The following ATP8B4 variants were observed in gnomAD, a reference collection of about 807,000 sequenced individuals.
ATP8B4 encodes ATPase phospholipid transporting 8B4 (putative).
A neutral mutation model predicts 145.6 loss-of-function variants in ATP8B4; 133 were observed. The ratio of observed to expected loss-of-function variants is 0.91; its 90% CI spans 0.79 to 1.05. The LOEUF (loss-of-function observed/expected upper bound fraction) is 1.05. ATP8B4 is among the 50% of genes least tolerant of loss of function. The pLI, the probability that ATP8B4 is intolerant of heterozygous loss-of-function variation, is 0.00. For missense variants in ATP8B4, 1,458 were observed against 1,425.2 expected (o/e 1.02, Z -0.37); for synonymous variants, 507 against 492.9 (o/e 1.03, Z -0.38).
At chr15:50,084,138 C>G (rs1409580248) in intron 2 of ATP8B4, among the ~76,000 whole-genome samples, 1 of 152,122 alleles carries the variant, frequency 6.6e-6, no homozygotes, top group Non-Finnish European at 1.5e-5. Flanking sequence ...GACTACACCA[C>G]CGTGATGTAA....
intron 12 of ATP8B4, among the ~76,000 whole-genome samples, chr15:49,978,425 T>A (rs1257516419): frequency 6.6e-6 from 1 of 152,154 alleles, no homozygotes; most frequent in Non-Finnish European, 1.5e-5. Flanking sequence ...CTACTTCAAG[T>A]GAATTTCCCA....
intron 7 of ATP8B4, among the ~76,000 whole-genome samples, chr15:50,004,502 G>A (rs181567601): frequency 6.2e-4 from 95 of 152,228 alleles, no homozygotes; most frequent in African/African-American, 2.1e-3. Context: ...TAAATCCTAC[G>A]GGGACCCAAT....
At position 49,981,729 on chromosome 15, in the gene ATP8B4, A is replaced by G. The variant is rs74012854; in HGVS notation, c.749-435T>C. 6.4e-3 allele frequency among the ~76,000 whole-genome samples: 970 copies of G among 152,282 alleles called. 9 individuals carry two copies. Among genetic ancestry groups the G allele is most frequent in the African/African-American group, 0.022 (932 of 41,576 alleles). On this transcript the variant is annotated intron_variant, in intron 10 of 27. Coordinates refer to ENST00000284509, the MANE Select transcript of ATP8B4 (RefSeq NM_024837.4). ...AATCAAATTCTAGATCTGTTTCCCA[A>G]AAAGATTTGAGGTCCCTTTGAAGGA...
chr15:49,976,125 GT>G (rs943192987), intron 12 of ATP8B4, among the ~76,000 whole-genome samples: 2 of 152,072 alleles, frequency 1.3e-5, no homozygotes, highest in African/African-American at 4.8e-5. Context: ...GATGGTAGCA[GT>G]TTTTTTCTCC....
chr15:49,949,234 A>G (rs2042849145), intron 14 of ATP8B4, among the ~76,000 whole-genome samples: 1 of 152,190 alleles, frequency 6.6e-6, no homozygotes, highest in African/African-American at 2.4e-5. Flanking sequence ...TGGGAATAGC[A>G]TTGAATCTAT....
chr15:49,890,993 T>C (rs58485844), intron 23 of ATP8B4, among the ~76,000 whole-genome samples: 1 of 152,202 alleles, frequency 6.6e-6, no homozygotes. Context: ...ATGAAGTTTT[T>C]GAAAGGTATT....
In ATP8B4 at chr15:49,859,668, G is replaced by A. The variant is rs2031274514; in HGVS notation, c.*526C>T. 1 of 153,064 alleles carries A rather than the reference G, an allele frequency of 6.5e-6. No homozygotes were observed. The highest frequency in any genetic ancestry group is 1.5e-5 in the Non-Finnish European group (1 of 68,708). 9.5% of individuals were successfully genotyped at this position (153,064 alleles called of 1,614,324 possible). A position where few individuals can be genotyped will look rare whatever the true frequency, so the allele number is the denominator to read the frequency against. On this transcript the variant is annotated 3_prime_UTR_variant, in exon 28 of 28. Coordinates refer to ENST00000284509, the MANE Select transcript of ATP8B4 (RefSeq NM_024837.4). ...TTTGTTGTCCTGGCTGAACAGACAGGTAGATATCAAGACTAAAGAGTGACA... is the reference window on the plus strand; with the variant it reads ...TTTGTTGTCCTGGCTGAACAGACAGATAGATATCAAGACTAAAGAGTGACA...
chr15:49,964,209 G>A (rs763341124), intron 13 of ATP8B4, among the ~76,000 whole-genome samples: 10 of 152,076 alleles, frequency 6.6e-5, no homozygotes, highest in Non-Finnish European at 1.3e-4. Context: ...TGTGTGGGAG[G>A]AGTCCCTGAG....
chr15:49,901,758 T>G (rs1485804759), intron 20 of ATP8B4: 1 of 405,440 alleles, frequency 2.5e-6, no homozygotes, highest in Non-Finnish European at 4.8e-6. Flanking sequence ...TAAAAAAAAT[T>G]TAACAAGAAG....
chr15:50,079,909 GA>G (rs1345633468), intron 2 of ATP8B4, among the ~76,000 whole-genome samples: 2 of 152,236 alleles, frequency 1.3e-5, no homozygotes, highest in East Asian at 3.9e-4. Context: ...TACAAGACCC[GA>G]AAGAAGATCA....
chr15:50,177,651 C>G (rs1255610687), intron 1 of ATP8B4, among the ~76,000 whole-genome samples: 1 of 152,184 alleles, frequency 6.6e-6, no homozygotes, highest in Non-Finnish European at 1.5e-5. Flanking sequence ...AACTTCTCAG[C>G]CACTAGGGCT....
At chr15:49,946,663 TGAA>T (rs978876894) in intron 14 of ATP8B4, among the ~76,000 whole-genome samples, 3 of 152,094 alleles carry the variant, frequency 2.0e-5, no homozygotes, top group African/African-American at 7.2e-5. Flanking sequence ...AACCCAGGGA[TGAA>T]GGACTGCCCT....
intron 1 of ATP8B4, among the ~76,000 whole-genome samples, chr15:50,168,885 G>A (rs1042422726): frequency 2.6e-5 from 4 of 152,202 alleles, no homozygotes; most frequent in African/African-American, 9.6e-5. Flanking sequence ...CCTGGGAGCT[G>A]GGTAAGGCCT....
At chr15:49,957,508 C>T (rs1206945620) in intron 14 of ATP8B4, among the ~76,000 whole-genome samples, 1 of 151,922 alleles carries the variant, frequency 6.6e-6, no homozygotes. Flanking sequence ...AAGATTGGAA[C>T]TTAAAGCAAA....
chr15:50,162,814 GT>G (rs534214364), intron 1 of ATP8B4, among the ~76,000 whole-genome samples: 1 of 151,728 alleles, frequency 6.6e-6, no homozygotes, highest in Non-Finnish European at 1.5e-5. Flanking sequence ...CCTCTTTTTT[GT>G]TTTTTTTCTT....
chr15:50,090,209 TG>T (rs760059770), intron 2 of ATP8B4, among the ~76,000 whole-genome samples: 21 of 151,830 alleles, frequency 1.4e-4, no homozygotes, highest in Non-Finnish European at 2.2e-4. Context: ...CTGGGGCCTG[TG>T]GGGTAGGGGA....
intron 6 of ATP8B4, among the ~76,000 whole-genome samples, chr15:50,019,645 A>G (rs962233891): frequency 1.3e-5 from 2 of 152,150 alleles, no homozygotes; most frequent in Non-Finnish European, 2.9e-5. Flanking sequence ...TTGACTGTCC[A>G]TGCTTTCTCC....
chr15:50,138,363 T>TAGATAGATAGAC (rs1567403008), intron 1 of ATP8B4, among the ~76,000 whole-genome samples: 2 of 97,700 alleles, frequency 2.0e-5, no homozygotes, highest in African/African-American at 5.9e-5. Flanking sequence ...GATAGATAGA[T>TAGATAGATAGAC]AGATAGATAG....
At chr15:49,912,258 C>T (rs2039304864) in intron 20 of ATP8B4, among the ~76,000 whole-genome samples, 1 of 151,664 alleles carries the variant, frequency 6.6e-6, no homozygotes, top group Admixed American at 6.6e-5. Context: ...AAAAGATGAA[C>T]AAAGTTAATA....
Sources: allele counts gnomAD v4.1 joint callset (sites outside exome capture counted in the v4.1 genomes callset), GRCh38; gene constraint gnomAD v4.1.1; transcripts MANE v1.5; gene names NCBI Gene and HGNC (gene_info 2026-07-23, HGNC 2026-07-21).